Variants in MYO1B observed in about 807,000 individuals in gnomAD.
MYO1B encodes myosin IB.
MYO1B carries 72 observed loss-of-function variants against 159.7 expected under a neutral mutation model. That is an observed-to-expected ratio of 0.45 (90% CI 0.37 to 0.55). The LOEUF (loss-of-function observed/expected upper bound fraction) is 0.55. Among genes scored for constraint, MYO1B ranks in the 20% least tolerant of loss-of-function variants. MYO1B has a pLI of 0.00. For synonymous variants in MYO1B, 468 were observed against 473.8 expected (o/e 0.99, Z 0.16); for missense variants, 1,062 against 1,364.8 (o/e 0.78, Z 3.50).
intron 13 of MYO1B, among the ~76,000 whole-genome samples, chr2:191,375,529 G>A (rs1694651290): frequency 7.1e-6 from 1 of 141,824 alleles, no homozygotes. Context: ...CCAACTGTGT[G>A]AATAGCCAGC....
intron 27 of MYO1B, among the ~76,000 whole-genome samples, chr2:191,412,006 T>C (rs1208070280): frequency 1.3e-5 from 2 of 152,252 alleles, no homozygotes; most frequent in Admixed American, 6.5e-5. Context: ...TATGTTTATA[T>C]TCTCTGTGAC....
intron 3 of MYO1B, among the ~76,000 whole-genome samples, chr2:191,313,191 G>GTTTTT (rs1690115126): frequency 1.6e-5 from 1 of 63,732 alleles, no homozygotes; most frequent in Non-Finnish European, 3.3e-5. Flanking sequence ...GGCACACATG[G>GTTTTT]CTTTTTTTTT....
rs757397774 is a variant in MYO1B at position 191,396,450 on chromosome 2, A to G, written c.2248A>G (p.Thr750Ala). The G allele has an allele frequency of 6.2e-7, 1 of 1,614,226 alleles. No homozygotes were observed. The highest frequency in any genetic ancestry group is 1.1e-5 in the South Asian group (1 of 91,086). The change falls in exon 21 of 31, where the codon ACA (threonine) becomes GCA (alanine). Residue 750 changes from threonine to alanine, a missense_variant. By Grantham distance (58) the Thr-to-Ala change is moderately conservative. Transcript: ENST00000392318. Reference sequence around the variant, plus strand: ...ACAGCAACAAAAGAGGTACCAGCAGACAAAGAGTTCCGCCTTAGTAATTCA... The same window carrying G: ...ACAGCAACAAAAGAGGTACCAGCAGGCAAAGAGTTCCGCCTTAGTAATTCA... Reference protein sequence around the residue: ...RYAQQKRYQQTKSSALVIQSY... With the variant: ...RYAQQKRYQQAKSSALVIQSY...
chr2:191,316,491 G>T (rs1690356018), intron 3 of MYO1B, among the ~76,000 whole-genome samples: 1 of 152,130 alleles, frequency 6.6e-6, no homozygotes, highest in Admixed American at 6.6e-5. Flanking sequence ...GAAGAGAACA[G>T]TCATATGTGA....
chr2:191,418,995 T>C (rs1697759078), intron 30 of MYO1B, among the ~76,000 whole-genome samples: 1 of 152,224 alleles, frequency 6.6e-6, no homozygotes, highest in Non-Finnish European at 1.5e-5. Context: ...CAGATGACGG[T>C]GGTCCCCTAA....
intron 3 of MYO1B, among the ~76,000 whole-genome samples, chr2:191,304,616 A>T (rs987191069): frequency 6.6e-6 from 1 of 152,182 alleles, no homozygotes; most frequent in African/African-American, 2.4e-5. Flanking sequence ...CTTTCAGGAT[A>T]TGTACTCTTA....
rs1695844938 is a variant in MYO1B, at chr2:191,392,973, G to A, written c.2077-100G>A. On this transcript the variant is annotated intron_variant, in intron 19 of 30. Coordinates refer to ENST00000392318, the MANE Select transcript of MYO1B (RefSeq NM_001130158.3). The stretch of plus-strand genomic sequence containing the variant: ...TTCAGTTCTTTTTTTCAATGTAATT[G>A]ACTCCAACATGATGGCATTTTGTCT... 3.0e-6 allele frequency: 3 copies of A among 994,630 alleles called. No homozygotes were observed. In the South Asian group the frequency reaches 5.3e-5, roughly 18 times the overall value. The allele number at this position is 994,630 out of a possible 1,614,324, so 61.6% of individuals were successfully genotyped here.
chr2:191,268,612 C>T (rs975583938), intron 1 of MYO1B, among the ~76,000 whole-genome samples: 6 of 152,352 alleles, frequency 3.9e-5, no homozygotes, highest in South Asian at 4.1e-4. Flanking sequence ...ACAGCTAGAA[C>T]CACTCTGGGC....
chr2:191,351,621 T>G (rs574447630), intron 7 of MYO1B, among the ~76,000 whole-genome samples: 3 of 152,336 alleles, frequency 2.0e-5, no homozygotes, highest in Non-Finnish European at 4.4e-5. Context: ...GCGCAATGGC[T>G]CATGCCTGTA....
At chr2:191,344,746 C>T (rs374766338) in intron 5 of MYO1B, among the ~76,000 whole-genome samples, 1 of 141,432 alleles carries the variant, frequency 7.1e-6, no homozygotes, top group Non-Finnish European at 1.5e-5. Context: ...AGGAGAATGG[C>T]GTGAACCCGG....
chr2:191,317,828 C>T (rs1385632062), intron 3 of MYO1B, among the ~76,000 whole-genome samples: 1 of 152,172 alleles, frequency 6.6e-6, no homozygotes, highest in Non-Finnish European at 1.5e-5. Context: ...ACCCACAGAG[C>T]TCTTTGTAAG....
chr2:191,298,827 T>C (rs1158299219), intron 3 of MYO1B, among the ~76,000 whole-genome samples: 1 of 152,162 alleles, frequency 6.6e-6, no homozygotes, highest in African/African-American at 2.4e-5. Flanking sequence ...AAGTAACTTA[T>C]CCAAAGCCAC....
chr2:191,421,279 A>G (rs1217698828), intron 30 of MYO1B, among the ~76,000 whole-genome samples: 4 of 151,800 alleles, frequency 2.6e-5, no homozygotes, highest in African/African-American at 9.7e-5. Flanking sequence ...CGTCTTGGCC[A>G]GGCTGGTTCC....
chr2:191,402,510 C>A, intron 23 of MYO1B, 122 bp from the exon 24 acceptor site: 1 of 819,310 alleles, frequency 1.2e-6, no homozygotes. Flanking sequence ...TGCACTGTTC[C>A]TCTGTCATTC....
At chr2:191,356,070 A>G (rs1234485101) in intron 7 of MYO1B, among the ~76,000 whole-genome samples, 1 of 152,040 alleles carries the variant, frequency 6.6e-6, no homozygotes, top group African/African-American at 2.4e-5. Context: ...TTCCTTTTAT[A>G]TCATATATTT....
chr2:191,349,612 A>G (rs562675030), intron 6 of MYO1B, among the ~76,000 whole-genome samples: 79 of 152,228 alleles, frequency 5.2e-4, no homozygotes, highest in Non-Finnish European at 9.7e-4. Flanking sequence ...ATATATTGCT[A>G]TTATAATCTG....
At chr2:191,257,342 T>C (rs920803733) in intron 1 of MYO1B, among the ~76,000 whole-genome samples, 2 of 152,108 alleles carry the variant, frequency 1.3e-5, no homozygotes, top group East Asian at 1.9e-4. Context: ...GAAGGGAAGA[T>C]TGAGGGGATG....
intron 8 of MYO1B, 92 bp downstream of exon 8, chr2:191,360,821 G>T: frequency 1.2e-6 from 1 of 863,534 alleles, no homozygotes; most frequent in Non-Finnish European, 1.8e-6. Flanking sequence ...TGCCCAGGCC[G>T]GTCTCTAATT....
At chr2:191,407,843 A>G (rs1301821716) in intron 24 of MYO1B, 3 of 254,600 alleles carry the variant, frequency 1.2e-5, no homozygotes, top group Non-Finnish European at 2.2e-5. Context: ...GTGCCTGTAA[A>G]ATGTTTCTTG....
Sources: allele counts gnomAD v4.1 joint callset (sites outside exome capture counted in the v4.1 genomes callset), GRCh38; gene constraint gnomAD v4.1.1; transcripts MANE v1.5; gene names NCBI Gene and HGNC (gene_info 2026-07-23, HGNC 2026-07-21).